Variants in TPD52L1 observed in about 807,000 individuals in gnomAD.
TPD52L1 encodes tumor protein D53.
Under a neutral mutation model 28.7 loss-of-function variants are expected in TPD52L1, and 18 were observed. The ratio of observed to expected loss-of-function variants is 0.63; its 90% CI spans 0.43 to 0.93. The LOEUF (loss-of-function observed/expected upper bound fraction) is 0.93, where lower values mean the gene tolerates loss of function less well. Among genes scored for constraint, TPD52L1 ranks in the 40% least tolerant of loss-of-function variants. The pLI is 0.00. For missense variants in TPD52L1, 203 were observed against 254.8 expected (o/e 0.80, Z 1.39); for synonymous variants, 75 against 88.8 (o/e 0.84, Z 0.88).
intron 1 of TPD52L1, among the ~76,000 whole-genome samples, chr6:125,209,977 C>T (rs1422562667): frequency 6.6e-6 from 1 of 152,070 alleles, no homozygotes; most frequent in Non-Finnish European, 1.5e-5. Context: ...ATAATGATCT[C>T]TCTTTTGCCT....
intron 4 of TPD52L1, among the ~76,000 whole-genome samples, chr6:125,249,052 G>C (rs1432715676): frequency 2.0e-5 from 3 of 151,104 alleles, no homozygotes; most frequent in Admixed American, 6.6e-5. Flanking sequence ...ATTTTGACTT[G>C]AGAACCAAAA....
intron 1 of TPD52L1, among the ~76,000 whole-genome samples, chr6:125,182,488 T>C (rs936766739): frequency 2.0e-5 from 3 of 151,764 alleles, no homozygotes; most frequent in Admixed American, 2.0e-4. Context: ...TTTTTGAGAG[T>C]TGGTTTAAGG....
intron 1 of TPD52L1, 41 bp from the exon 2 acceptor site, chr6:125,220,027 GTTTAAATTCA>G: frequency 7.4e-7 from 1 of 1,356,670 alleles, no homozygotes; most frequent in Non-Finnish European, 1.1e-6. Context: ...GCAGAAGTTG[GTTTAAATTCA>G]CTTTAAAAAT....
intron 1 of TPD52L1, among the ~76,000 whole-genome samples, chr6:125,188,200 A>C (rs1792778935): frequency 6.6e-6 from 1 of 152,144 alleles, no homozygotes; most frequent in African/African-American, 2.4e-5. Context: ...CTCAAATGGA[A>C]ACTTTACAGT....
chr6:125,213,442 C>T (rs1024564162), intron 1 of TPD52L1, among the ~76,000 whole-genome samples: 3 of 152,076 alleles, frequency 2.0e-5, no homozygotes, highest in Admixed American at 6.5e-5. Flanking sequence ...GCAGATACTA[C>T]TCATGATCTT....
At chr6:125,169,745 C>T (rs1791155470) in intron 1 of TPD52L1, among the ~76,000 whole-genome samples, 1 of 152,132 alleles carries the variant, frequency 6.6e-6, no homozygotes, top group South Asian at 2.1e-4. Context: ...TCCTGGACTG[C>T]CTTCACTCCA....
At chr6:125,191,636 G>A (rs1415980451) in intron 1 of TPD52L1, among the ~76,000 whole-genome samples, 3 of 152,180 alleles carry the variant, frequency 2.0e-5, no homozygotes, top group Non-Finnish European at 4.4e-5. Flanking sequence ...TAGAGAAACA[G>A]GGTGCAGACA....
intron 1 of TPD52L1, among the ~76,000 whole-genome samples, chr6:125,210,235 T>C (rs1443918501): frequency 6.6e-6 from 1 of 152,148 alleles, no homozygotes; most frequent in African/African-American, 2.4e-5. Flanking sequence ...AATGAATGAA[T>C]GAATGAATGA....
At chr6:125,244,186 G>A (rs930070154) in intron 3 of TPD52L1, among the ~76,000 whole-genome samples, 2 of 152,084 alleles carry the variant, frequency 1.3e-5, no homozygotes, top group African/African-American at 4.8e-5. Context: ...GGAATGGCAG[G>A]TATCTCTTGA....
At chr6:125,190,036 G>T (rs1176467079) in intron 1 of TPD52L1, among the ~76,000 whole-genome samples, 1 of 152,034 alleles carries the variant, frequency 6.6e-6, no homozygotes, top group Non-Finnish European at 1.5e-5. Flanking sequence ...GTCGGTGGTG[G>T]TTAGGACAGA....
chr6:125,236,822 A>G (rs1796284521), intron 3 of TPD52L1, among the ~76,000 whole-genome samples: 1 of 151,884 alleles, frequency 6.6e-6, no homozygotes, highest in South Asian at 2.1e-4. Context: ...CCTTCTCCCT[A>G]GGGCTCAGTC....
At chr6:125,172,460 T>TG (rs1791470736) in intron 1 of TPD52L1, among the ~76,000 whole-genome samples, 5 of 114,380 alleles carry the variant, frequency 4.4e-5, no homozygotes, top group South Asian at 2.8e-4. Context: ...GCCTGGATTT[T>TG]TGTGTGTGTG....
rs542359213 is a variant in TPD52L1, at chr6:125,263,052, G to T, written c.*90G>T. ...ATCCAGATAAGAAGACCAAAATCCC[G>T]CTGGGAAAAACCCAGGCCTTGACAT... On this transcript the variant is annotated 3_prime_UTR_variant, in exon 7 of 7. Coordinates refer to ENST00000534000, the MANE Select transcript of TPD52L1 (RefSeq NM_003287.4). 3.5e-6 allele frequency: 5 copies of T among 1,430,540 alleles called. No homozygotes were observed. Among genetic ancestry groups the T allele is most frequent in the East Asian group, 2.6e-5 (1 of 39,166 alleles). 88.6% of individuals were successfully genotyped at this position (1,430,540 alleles called of 1,614,324 possible). A position where few individuals can be genotyped will look rare whatever the true frequency, so the allele number is the denominator to read the frequency against.
intron 1 of TPD52L1, 21 bp from the exon 2 acceptor site, chr6:125,220,057 T>C (rs1368133541): frequency 1.3e-6 from 2 of 1,578,712 alleles, no homozygotes; most frequent in Admixed American, 1.7e-5. Context: ...TTGCCTTCTG[T>C]TTTATCAATT....
At chr6:125,197,189 G>A (rs1296402546) in intron 1 of TPD52L1, among the ~76,000 whole-genome samples, 2 of 152,198 alleles carry the variant, frequency 1.3e-5, no homozygotes, top group African/African-American at 4.8e-5. Flanking sequence ...CTTTGAATAA[G>A]CCTCCTTGTA....
chr6:125,220,275 ATGT>A, intron 2 of TPD52L1, 82 bp downstream of exon 2: 1 of 864,856 alleles, frequency 1.2e-6, no homozygotes, highest in South Asian at 1.6e-5. Flanking sequence ...AATTGTAATG[ATGT>A]TGTATTGTAA....
At chr6:125,253,856 G>T (rs1797427457) in intron 5 of TPD52L1, 101 bp downstream of exon 5, 2 of 1,121,864 alleles carry the variant, frequency 1.8e-6, no homozygotes, top group Non-Finnish European at 2.7e-6. Flanking sequence ...TTATGTGAAA[G>T]GAAATTGCTG....
chr6:125,200,682 A>C (rs957114291), intron 1 of TPD52L1, among the ~76,000 whole-genome samples: 3 of 152,192 alleles, frequency 2.0e-5, no homozygotes, highest in African/African-American at 7.2e-5. Flanking sequence ...ATGGTGTTTT[A>C]TTCCTCCCCC....
At position 125,254,716 on chromosome 6, in the gene TPD52L1, T is replaced by C. The variant is rs76277266; in HGVS notation, c.425+961T>C. Among the ~76,000 whole-genome samples, 63 of 152,330 alleles carry C rather than the reference T, an allele frequency of 4.1e-4. No homozygotes were observed. The East Asian group carries it at 0.012, about 29-fold the overall frequency. On this transcript the variant is annotated intron_variant, in intron 5 of 6. Coordinates refer to ENST00000534000, the MANE Select transcript of TPD52L1 (RefSeq NM_003287.4). ...TCATATATATAATCTTTTCCTCTGT[T>C]TTTTAACTGTCATGAAGAGAAATTC...
Sources: allele counts gnomAD v4.1 joint callset (sites outside exome capture counted in the v4.1 genomes callset), GRCh38; gene constraint gnomAD v4.1.1; transcripts MANE v1.5; gene names NCBI Gene and HGNC (gene_info 2026-07-23, HGNC 2026-07-21).